Variants in SCOC observed in about 807,000 individuals in gnomAD.
The protein encoded by SCOC is short coiled-coil protein.
SCOC carries 7 observed loss-of-function variants against 9.9 expected under a neutral mutation model. The ratio of observed to expected loss-of-function variants is 0.71; its 90% confidence interval spans 0.40 to 1.33. The LOEUF (loss-of-function observed/expected upper bound fraction) is 1.33. Ranked by LOEUF, SCOC falls within the 40% of genes most tolerant of loss-of-function variation. SCOC has a pLI of 0.01. For missense variants in SCOC, 66 were observed against 89.7 expected (o/e 0.74, Z 1.07); for synonymous variants, 19 against 28.2 (o/e 0.67, Z 1.03).
chr4:140,316,065 G>A (rs1325697216), intron 1 of SCOC, among the ~76,000 whole-genome samples: 1 of 151,944 alleles, frequency 6.6e-6, no homozygotes, highest in African/African-American at 2.4e-5. Context: ...CCCCCAATGA[G>A]GCCTCATTGG....
At chr4:140,357,597 T>C (rs1215817940) in intron 2 of SCOC, among the ~76,000 whole-genome samples, 1 of 152,224 alleles carries the variant, frequency 6.6e-6, no homozygotes, top group Non-Finnish European at 1.5e-5. Context: ...CCTGAAGTTG[T>C]TAACCTTAAT....
chr4:140,328,498 T>G (rs2126491440), intron 1 of SCOC, among the ~76,000 whole-genome samples: 1 of 152,308 alleles, frequency 6.6e-6, no homozygotes, highest in South Asian at 2.1e-4. Flanking sequence ...ATTTAACAAA[T>G]TATTCCTCAC....
At chr4:140,329,409 G>C (rs905870952) in intron 1 of SCOC, among the ~76,000 whole-genome samples, 2 of 152,014 alleles carry the variant, frequency 1.3e-5, no homozygotes, top group East Asian at 3.9e-4. Flanking sequence ...TCATGACCAA[G>C]AACCCAAAAG....
At chr4:140,369,089 AT>A (rs1245134195), upstream of SCOC, among the ~76,000 whole-genome samples, 1 of 152,242 alleles carries the variant, frequency 6.6e-6, no homozygotes, top group East Asian at 1.9e-4. Context: ...AATTTCTTAC[AT>A]TCCCTCTACC....
chr4:140,381,146 T>C lies in SCOC; in HGVS notation c.*42T>C, dbSNP rs1164608982. The C allele has an allele frequency of 4.5e-6, 7 of 1,538,794 alleles. No homozygotes were observed. The highest frequency in any genetic ancestry group is 2.8e-5 in the African/African-American group (2 of 70,384). On this transcript the variant is annotated 3_prime_UTR_variant, in exon 4 of 4. Transcript: ENST00000608372. ...TGTTTTATGGAATTGCTGCTGATCA[T>C]TTTTTCTTTAAAACTTGGATAGATT...
chr4:140,272,453 C>T (rs181205767), intron 1 of SCOC, among the ~76,000 whole-genome samples: 217 of 152,278 alleles, frequency 1.4e-3, no homozygotes, highest in African/African-American at 5.1e-3. Context: ...TGCAGGTTCC[C>T]TGAATGATAA....
intron 1 of SCOC, among the ~76,000 whole-genome samples, chr4:140,257,739 G>A (rs1267526193): frequency 6.6e-6 from 1 of 152,204 alleles, no homozygotes; most frequent in Admixed American, 6.5e-5. Context: ...ACAGTGCCTA[G>A]TGCATAATAA....
intron 2 of SCOC, among the ~76,000 whole-genome samples, chr4:140,362,299 C>CTTTTTTTTT (rs1183789218): frequency 7.3e-4 from 28 of 38,302 alleles, no homozygotes; most frequent in Non-Finnish European, 1.6e-3. Context: ...TCTTCTTCTT[C>CTTTTTTTTT]TTTTTTTTTT....
intron 1 of SCOC, among the ~76,000 whole-genome samples, chr4:140,266,423 A>G (rs1730729470): frequency 6.6e-6 from 1 of 152,136 alleles, no homozygotes; most frequent in Non-Finnish European, 1.5e-5. Flanking sequence ...CTGTGTTGGT[A>G]ACTAAAAAGA....
chr4:140,271,760 G>T (rs998212939), intron 1 of SCOC, among the ~76,000 whole-genome samples: 4 of 152,170 alleles, frequency 2.6e-5, no homozygotes, highest in Admixed American at 2.0e-4. Flanking sequence ...CACTCACATT[G>T]TCCCAGGCAC....
chr4:140,302,311 C>T (rs570822428), intron 1 of SCOC, among the ~76,000 whole-genome samples: 55 of 152,232 alleles, frequency 3.6e-4, no homozygotes, highest in African/African-American at 8.9e-4. Context: ...ATTCTGCCTG[C>T]GCTCAACAAT....
intron 2 of SCOC, among the ~76,000 whole-genome samples, chr4:140,362,301 T>TCTTCTTCTCTTCTTCTTCTTCTTC: frequency 3.4e-5 from 1 of 29,410 alleles, no homozygotes. Flanking sequence ...TTCTTCTTCT[T>TCTTCTTCTCTTCTTCTTCTTCTTC]TTTTTTTTTT....
chr4:140,311,928 T>A (rs1199862509), intron 1 of SCOC, among the ~76,000 whole-genome samples: 1 of 152,220 alleles, frequency 6.6e-6, no homozygotes, highest in Admixed American at 6.5e-5. Flanking sequence ...TCCTTGAGGA[T>A]GCATCTTTAG....
intron 1 of SCOC, among the ~76,000 whole-genome samples, chr4:140,275,734 G>A (rs1365275497): frequency 6.6e-6 from 1 of 151,328 alleles, no homozygotes; most frequent in African/African-American, 2.4e-5. Flanking sequence ...AGGGATTGAT[G>A]CTTAAATTCC....
At chr4:140,310,377 T>C (rs1732115752) in intron 1 of SCOC, among the ~76,000 whole-genome samples, 2 of 152,338 alleles carry the variant, frequency 1.3e-5, no homozygotes, top group Non-Finnish European at 2.9e-5. Context: ...TAGGACGTTA[T>C]GGGTGCATTA....
intron 1 of SCOC, among the ~76,000 whole-genome samples, chr4:140,261,574 C>A (rs1418262085): frequency 6.6e-6 from 1 of 152,198 alleles, no homozygotes; most frequent in Non-Finnish European, 1.5e-5. Context: ...AGTGAGTACT[C>A]CAATGTGCAA....
At chr4:140,318,021 C>T (rs1309909848) in intron 1 of SCOC, among the ~76,000 whole-genome samples, 3 of 151,626 alleles carry the variant, frequency 2.0e-5, no homozygotes, top group South Asian at 2.1e-4. Flanking sequence ...CTACAAAGGA[C>T]ATGAACTCAT....
intron 1 of SCOC, among the ~76,000 whole-genome samples, chr4:140,285,548 A>G (rs1361101117): frequency 6.6e-6 from 1 of 152,226 alleles, no homozygotes; most frequent in Non-Finnish European, 1.5e-5. Context: ...AAGCTAGGGC[A>G]TTTTGTAAGC....
At chr4:140,338,738 A>G (rs1376738172), upstream of SCOC, among the ~76,000 whole-genome samples, 5 of 152,196 alleles carry the variant, frequency 3.3e-5, no homozygotes, top group Non-Finnish European at 7.3e-5. Context: ...AATCCAACTT[A>G]CAAGGGATAT....
Sources: allele counts gnomAD v4.1 joint callset (sites outside exome capture counted in the v4.1 genomes callset), GRCh38; gene constraint gnomAD v4.1.1; transcripts MANE v1.5; gene names NCBI Gene and HGNC (gene_info 2026-07-23, HGNC 2026-07-21).